The following PPP2R2C variants were observed in gnomAD, a reference collection of about 807,000 sequenced individuals.
The protein encoded by PPP2R2C is protein phosphatase 2 regulatory subunit Bgamma.
Under a neutral mutation model 45.3 loss-of-function variants are expected in PPP2R2C, and 10 were observed. The observed-to-expected ratio is 0.22, with a 90% CI of 0.14 to 0.37. The LOEUF (loss-of-function observed/expected upper bound fraction) is 0.37. Among genes scored for constraint, PPP2R2C ranks in the 10% least tolerant of loss-of-function variants. PPP2R2C has a pLI of 1.00. For synonymous variants in PPP2R2C, 257 were observed against 245.4 expected, an observed-to-expected ratio of 1.05 and a Z score of -0.44; for missense variants, 308 against 619.7, an observed-to-expected ratio of 0.50 and a Z score of 5.34.
intron 6 of PPP2R2C, among the ~76,000 whole-genome samples, chr4:6,346,652 AG>A (rs1353740753): frequency 6.6e-6 from 1 of 152,092 alleles, no homozygotes; most frequent in Non-Finnish European, 1.5e-5. Flanking sequence ...AGAGGAGATG[AG>A]GGGGTGGATG....
At chr4:6,511,003 A>AAAAAAAAAAAAG (rs1560592977) in intron 2 of PPP2R2C, among the ~76,000 whole-genome samples, 1 of 148,748 alleles carries the variant, frequency 6.7e-6, no homozygotes, top group African/African-American at 2.6e-5. Flanking sequence ...ACAAACAAAA[A>AAAAAAAAAAAAG]AAAAAACAGA....
chr4:6,554,139 C>T (rs1725281063), intron 1 of PPP2R2C, among the ~76,000 whole-genome samples: 1 of 152,158 alleles, frequency 6.6e-6, no homozygotes, highest in Admixed American at 6.5e-5. Context: ...AGCATGTGAC[C>T]TTATTTGGAA....
rs150788102 is a variant in PPP2R2C at position 6,449,288 on chromosome 4, C to T, written c.70+22872G>A. ...ATCAACAGCCAATTGCATGAATCAA[C>T]CGTGTTCTGTCCCAACAAGATGAGA... On this transcript the variant is annotated intron_variant, in intron 1 of 8. Transcript: ENST00000382599. 5.4e-4 allele frequency among the ~76,000 whole-genome samples: 82 copies of T among 152,330 alleles called. 1 individual carries two copies. The highest frequency in any genetic ancestry group is 1.8e-3 in the African/African-American group (73 of 41,568).
At chr4:6,535,397 C>A (rs1049388985) in intron 1 of PPP2R2C, 31 of 1,433,952 alleles carry the variant, frequency 2.2e-5, no homozygotes, top group Non-Finnish European at 2.8e-5. Context: ...GAAAAAAAAA[C>A]TAAAGTTGAG....
intron 2 of PPP2R2C, among the ~76,000 whole-genome samples, chr4:6,489,354 A>G (rs1271845483): frequency 6.6e-6 from 1 of 152,170 alleles, no homozygotes; most frequent in Non-Finnish European, 1.5e-5. Flanking sequence ...GAAGCCTAGC[A>G]GCTCCATTTT....
intron 2 of PPP2R2C, among the ~76,000 whole-genome samples, chr4:6,511,282 ATGCTG>A (rs1723450041): frequency 6.6e-6 from 1 of 151,652 alleles, no homozygotes; most frequent in Non-Finnish European, 1.5e-5. Flanking sequence ...GCTGATGCTG[ATGCTG>A]ATGCTGATGG....
intron 1 of PPP2R2C, among the ~76,000 whole-genome samples, chr4:6,560,426 C>T (rs1472002063): frequency 6.6e-6 from 1 of 152,170 alleles, no homozygotes; most frequent in East Asian, 1.9e-4. Flanking sequence ...CAAGGACAAG[C>T]CTTGGGGGAG....
chr4:6,535,068 G>A (rs915487997), intron 2 of PPP2R2C, among the ~76,000 whole-genome samples: 31 of 152,360 alleles, frequency 2.0e-4, no homozygotes, highest in Admixed American at 1.8e-3. Context: ...CGGCAATGGG[G>A]GCTGGTGGGG....
intron 2 of PPP2R2C, among the ~76,000 whole-genome samples, chr4:6,511,173 A>G (rs1723439026): frequency 6.6e-6 from 1 of 152,172 alleles, no homozygotes; most frequent in Non-Finnish European, 1.5e-5. Context: ...TACATGAGAA[A>G]AACACGCAAA....
At chr4:6,360,314 A>G (rs1404338106) in intron 5 of PPP2R2C, among the ~76,000 whole-genome samples, 2 of 152,170 alleles carry the variant, frequency 1.3e-5, no homozygotes, top group African/African-American at 2.4e-5. Context: ...AGCTTTCCCC[A>G]TGGGGTGGGC....
intron 1 of PPP2R2C, among the ~76,000 whole-genome samples, chr4:6,390,662 AAAGACG>A (rs2109331867): frequency 6.6e-6 from 1 of 152,294 alleles, no homozygotes; most frequent in African/African-American, 2.4e-5. Flanking sequence ...GGGCGATCAG[AAAGACG>A]AAGACCTCAT....
At chr4:6,493,702 G>A (rs1218201021) in intron 2 of PPP2R2C, among the ~76,000 whole-genome samples, 3 of 152,072 alleles carry the variant, frequency 2.0e-5, no homozygotes, top group East Asian at 1.9e-4. Flanking sequence ...CTTGAAGGAC[G>A]GCAGACACGG....
chr4:6,469,777 A>G (rs1366002992), intron 1 of PPP2R2C, among the ~76,000 whole-genome samples: 5 of 152,246 alleles, frequency 3.3e-5, no homozygotes, highest in African/African-American at 1.2e-4. Flanking sequence ...TGAGCATGAA[A>G]TATAGTCAGG....
intron 2 of PPP2R2C, among the ~76,000 whole-genome samples, chr4:6,500,860 G>A (rs1227010241): frequency 1.3e-5 from 2 of 152,376 alleles, no homozygotes; most frequent in Non-Finnish European, 1.5e-5. Context: ...GGAGCTGGGT[G>A]TTCATGATAA....
chr4:6,414,074 G>GTA (rs1553896122), intron 1 of PPP2R2C: 2 of 977,868 alleles, frequency 2.0e-6, no homozygotes, highest in African/African-American at 2.5e-5. Flanking sequence ...TTTTGCCTGT[G>GTA]TATGTGTGTG....
At chr4:6,504,695 T>C (rs1723164608) in intron 2 of PPP2R2C, among the ~76,000 whole-genome samples, 1 of 152,148 alleles carries the variant, frequency 6.6e-6, no homozygotes, top group East Asian at 1.9e-4. Flanking sequence ...AAAAAGCAGA[T>C]AACAAATTCC....
chr4:6,535,517 G>T, intron 1 of PPP2R2C: 1 of 602,366 alleles, frequency 1.7e-6, no homozygotes, highest in Non-Finnish European at 2.9e-6. Flanking sequence ...CCAGCCCTGG[G>T]CCAGGGTTGG....
At chr4:6,502,180 C>T (rs1225241460) in intron 2 of PPP2R2C, among the ~76,000 whole-genome samples, 1 of 152,202 alleles carries the variant, frequency 6.6e-6, no homozygotes, top group Non-Finnish European at 1.5e-5. Context: ...CAGAGCCCCT[C>T]AGGGTGGGGT....
intron 7 of PPP2R2C, 121 bp downstream of exon 7, chr4:6,333,441 G>T: frequency 8.7e-7 from 1 of 1,155,126 alleles, no homozygotes; most frequent in Non-Finnish European, 1.2e-6. Context: ...TTCAGCCTCC[G>T]TGTCTTCACC....
Sources: allele counts gnomAD v4.1 joint callset (sites outside exome capture counted in the v4.1 genomes callset), GRCh38; gene constraint gnomAD v4.1.1; transcripts MANE v1.5; gene names NCBI Gene and HGNC (gene_info 2026-07-23, HGNC 2026-07-21).